Variants in RANBP9 observed in about 807,000 individuals in gnomAD.
RANBP9 encodes RAN binding protein 9.
RANBP9 carries 15 observed loss-of-function variants against 84.3 expected under a neutral mutation model. That is an observed-to-expected ratio of 0.18 (90% confidence interval 0.12 to 0.27). RANBP9 has a LOEUF of 0.27. Among genes scored for constraint, RANBP9 ranks in the 10% least tolerant of loss-of-function variants. The pLI, the probability that RANBP9 is intolerant of heterozygous loss-of-function variation, is 1.00. For synonymous variants in RANBP9, 392 were observed against 349.6 expected (o/e 1.12, Z -1.35); for missense variants, 809 against 912.8 (o/e 0.89, Z 1.46).
At chr6:13,708,472 C>G (rs1375198351) in intron 1 of RANBP9, among the ~76,000 whole-genome samples, 1 of 151,932 alleles carries the variant, frequency 6.6e-6, no homozygotes, top group Non-Finnish European at 1.5e-5. Flanking sequence ...AACCAGAATA[C>G]CTTTGGAGCA....
chr6:13,650,406 T>C (rs1765270865), intron 5 of RANBP9, among the ~76,000 whole-genome samples: 1 of 152,214 alleles, frequency 6.6e-6, no homozygotes, highest in Non-Finnish European at 1.5e-5. Context: ...AGATTTGGTA[T>C]CTATTCTCTA....
intron 3 of RANBP9, 44 bp from the exon 4 acceptor site, chr6:13,657,320 C>T (rs1765423046): frequency 6.5e-7 from 1 of 1,526,838 alleles, no homozygotes; most frequent in East Asian, 2.3e-5. Context: ...AAGTAAGGTT[C>T]CTCTGTACTA....
At chr6:13,703,891 T>C (rs1758035021) in intron 1 of RANBP9, among the ~76,000 whole-genome samples, 1 of 152,190 alleles carries the variant, frequency 6.6e-6, no homozygotes, top group African/African-American at 2.4e-5. Flanking sequence ...GGGCTGAGAT[T>C]CCCATTTTTA....
At chr6:13,651,245 T>C (rs116685382) in intron 5 of RANBP9, among the ~76,000 whole-genome samples, 403 of 152,254 alleles carry the variant, frequency 2.6e-3, no homozygotes, top group African/African-American at 8.9e-3. Flanking sequence ...TGACAGTGCC[T>C]TGGGTTTGGT....
chr6:13,665,270 CA>C (rs1448404156), intron 2 of RANBP9, among the ~76,000 whole-genome samples: 8 of 151,964 alleles, frequency 5.3e-5, no homozygotes, highest in African/African-American at 1.7e-4. Context: ...AAAACTTTAG[CA>C]AAATTTAAAA....
intron 2 of RANBP9, among the ~76,000 whole-genome samples, chr6:13,679,722 A>C (rs979384459): frequency 8.5e-5 from 13 of 152,184 alleles, no homozygotes; most frequent in Non-Finnish European, 1.9e-4. Flanking sequence ...GTTCAGAAGA[A>C]ACTGATTTAC....
intron 2 of RANBP9, among the ~76,000 whole-genome samples, chr6:13,687,613 G>T (rs1162907483): frequency 6.6e-6 from 1 of 152,050 alleles, no homozygotes; most frequent in Non-Finnish European, 1.5e-5. Flanking sequence ...ACCTTTACGT[G>T]CTTACTACTC....
intron 1 of RANBP9, among the ~76,000 whole-genome samples, chr6:13,706,215 G>A (rs1758116349): frequency 1.3e-5 from 2 of 152,094 alleles, no homozygotes; most frequent in Non-Finnish European, 2.9e-5. Context: ...GTCGCGGCGG[G>A]CACCTGTAGT....
At chr6:13,689,004 A>AAAAAAAAAAAAAAAAAAAG (rs374538732) in intron 2 of RANBP9, among the ~76,000 whole-genome samples, 1 of 108,996 alleles carries the variant, frequency 9.2e-6, no homozygotes. Context: ...AAAAAAAAAA[A>AAAAAAAAAAAAAAAAAAAG]TGCTGGGCAT....
chr6:13,705,276 C>T (rs1168709571), intron 1 of RANBP9, among the ~76,000 whole-genome samples: 3 of 151,448 alleles, frequency 2.0e-5, no homozygotes, highest in Non-Finnish European at 2.9e-5. Flanking sequence ...TGGTGGCAGG[C>T]GCTTGTAATC....
At chr6:13,706,138 T>C (rs1758112795) in intron 1 of RANBP9, among the ~76,000 whole-genome samples, 1 of 151,636 alleles carries the variant, frequency 6.6e-6, no homozygotes, top group Admixed American at 6.6e-5. Context: ...GGTCAGCAGA[T>C]AAGAGACCAC....
chr6:13,631,741 T>A (rs1197936422), intron 12 of RANBP9, among the ~76,000 whole-genome samples: 1 of 152,210 alleles, frequency 6.6e-6, no homozygotes, highest in Admixed American at 6.5e-5. Context: ...CAATGCTGAC[T>A]TAAGTTAGGA....
At chr6:13,628,034 GACA>G (rs1352612093) in intron 12 of RANBP9, among the ~76,000 whole-genome samples, 9 of 152,170 alleles carry the variant, frequency 5.9e-5, no homozygotes, top group Non-Finnish European at 1.0e-4. Flanking sequence ...TCTTTAAAAT[GACA>G]ACAACGTATT....
intron 7 of RANBP9, among the ~76,000 whole-genome samples, chr6:13,641,818 C>G (rs903429394): frequency 6.6e-6 from 1 of 152,160 alleles, no homozygotes; most frequent in African/African-American, 2.4e-5. Flanking sequence ...GGACAGCACA[C>G]AATTAACTAC....
In RANBP9 at chr6:13,711,480, G is replaced by T. The variant is rs747878951; in HGVS notation, c.26C>A (p.Pro9Gln). The T allele has an allele frequency of 4.8e-6, 6 of 1,241,972 alleles. No individual in the cohort carries two copies. The highest frequency in any genetic ancestry group is 3.4e-5 in the Admixed American group (1 of 29,198). The allele number at this position is 1,241,972 out of a possible 1,614,324, so 76.9% of individuals were successfully genotyped here. The change falls in exon 1 of 14, where the codon CCG becomes CAG. Residue 9 changes from proline (P) to glutamine (Q), a missense_variant. Coordinates refer to ENST00000011619, the MANE Select transcript of RANBP9 (RefSeq NM_005493.3). ...CTGCTGCTGTTGCTGCTGCTGCGGC[G>T]GCGGCGGCGGCGGCTGCCCGGACAT... MSGQPPPP[P>Q]PQQQQQQQQL...
chr6:13,684,563 T>C (rs1375878652), intron 2 of RANBP9, among the ~76,000 whole-genome samples: 1 of 152,196 alleles, frequency 6.6e-6, no homozygotes. Flanking sequence ...AGTAAAAAAT[T>C]GTAAGTATGT....
intron 1 of RANBP9, among the ~76,000 whole-genome samples, chr6:13,708,679 T>A (rs576465186): frequency 6.6e-6 from 1 of 152,300 alleles, no homozygotes; most frequent in South Asian, 2.1e-4. Context: ...CTCTTCTTAT[T>A]CTGTGATTTT....
At chr6:13,673,780 A>T (rs1377887899) in intron 2 of RANBP9, among the ~76,000 whole-genome samples, 1 of 152,186 alleles carries the variant, frequency 6.6e-6, no homozygotes, top group Non-Finnish European at 1.5e-5. Flanking sequence ...GGAATAATAT[A>T]CAATGCTCAA....
rs1222661122 is a variant in RANBP9 at position 13,711,080 on chromosome 6, C to G, written c.426G>C (p.Glu142Asp). 6.3e-7 allele frequency: 1 copy of G among 1,579,150 alleles called. No individual in the cohort carries two copies. Among genetic ancestry groups the G allele is most frequent in the African/African-American group, 1.4e-5 (1 of 73,946 alleles). Residue 142 changes from glutamate to aspartate, a missense_variant, in exon 1 of 14, where the codon GAG becomes GAC. By Grantham distance (45) the Glu-to-Asp change is conservative. Around this residue, in one of 5 missense-constraint regions of RANBP9, gnomAD observed 302 missense variants for 240.1 expected, o/e 1.26. Transcript: ENST00000011619. ...PFPHGDSALN[E>D]QEKELQRRLK... Reference sequence around the variant, plus strand: ...GCCGCCGCTGCAACTCCTTCTCCTGCTCGTTCAGGGCCGAGTCCCCGTGAG... The same window carrying G: ...GCCGCCGCTGCAACTCCTTCTCCTGGTCGTTCAGGGCCGAGTCCCCGTGAG...
Sources: gnomAD v4.1 joint callset for allele counts (sites outside exome capture counted in the v4.1 genomes callset) on GRCh38, gnomAD v4.1.1 for gene constraint, gnomAD v4.1.1 regional missense constraint, MANE v1.5 for transcripts, NCBI Gene and HGNC (gene_info 2026-07-23, HGNC 2026-07-21) for gene names.